The following SRPK2 variants were observed in gnomAD, a reference collection of about 807,000 sequenced individuals.
The protein encoded by SRPK2 is SRSF protein kinase 2, also known as SFRS protein kinase 2.
In SRPK2, 21 loss-of-function variants were observed where a neutral mutation model predicts 90.8. That is an observed-to-expected ratio of 0.23 (90% CI 0.16 to 0.33). The LOEUF is 0.33. Among genes scored for constraint, SRPK2 ranks in the 10% least tolerant of loss-of-function variants. The pLI, the probability that SRPK2 is intolerant of heterozygous loss-of-function variation, is 1.00. For synonymous variants in SRPK2, 288 were observed against 311.1 expected (o/e 0.93, Z 0.78); for missense variants, 620 against 869.0 (o/e 0.71, Z 3.60).
intron 7 of SRPK2, among the ~76,000 whole-genome samples, chr7:105,152,145 T>C (rs1421331516): frequency 6.6e-6 from 1 of 152,066 alleles, no homozygotes; most frequent in Non-Finnish European, 1.5e-5. Flanking sequence ...TAATTTAATT[T>C]TGAACTACTT....
At chr7:105,308,608 C>T (rs1811383370) in intron 2 of SRPK2, among the ~76,000 whole-genome samples, 1 of 152,168 alleles carries the variant, frequency 6.6e-6, no homozygotes, top group Non-Finnish European at 1.5e-5. Flanking sequence ...GGCAAGACCA[C>T]TTCTGCAGTT....
intron 2 of SRPK2, among the ~76,000 whole-genome samples, chr7:105,353,337 T>G (rs1817418573): frequency 6.6e-6 from 1 of 151,958 alleles, no homozygotes; most frequent in Non-Finnish European, 1.5e-5. Context: ...AGGTAATGGT[T>G]TTGTTTTTTT....
intron 2 of SRPK2, among the ~76,000 whole-genome samples, chr7:105,292,497 CAAAAAAAAAAAAAAAA>C (rs397889533): frequency 2.7e-5 from 2 of 74,792 alleles, no homozygotes; most frequent in Non-Finnish European, 2.6e-5. Flanking sequence ...GTAAGACTCT[CAAAAAAAAAAAAAAAA>C]AAAAAAAAAA....
In SRPK2 at chr7:105,398,297, G is replaced by A. The variant is rs78558886; in HGVS notation, n.153+859C>T. 9.1e-3 allele frequency among the ~76,000 whole-genome samples: 1,385 copies of A among 151,704 alleles called. 26 individuals are homozygous for A. Among genetic ancestry groups the A allele is most frequent in the East Asian group, 0.067 (345 of 5,166 alleles). The stretch of plus-strand genomic sequence containing the variant: ...TAAATCATGTTGCATCTTAGAAGGT[G>A]TATTTAATACGTCATAGAATTGGAA... On this transcript the variant is annotated intron_variant and non_coding_transcript_variant, in intron 1 of 3. Transcript: ENST00000462282.
intron 2 of SRPK2, among the ~76,000 whole-genome samples, chr7:105,260,270 A>C (rs1384215230): frequency 1.3e-5 from 2 of 152,250 alleles, no homozygotes; most frequent in Non-Finnish European, 2.9e-5. Context: ...CAGCCAGAAG[A>C]CACATGAAAA....
intron 2 of SRPK2, among the ~76,000 whole-genome samples, chr7:105,279,771 A>C (rs1292851054): frequency 2.0e-5 from 3 of 152,246 alleles, no homozygotes; most frequent in African/African-American, 7.2e-5. Context: ...ACAAAGTATC[A>C]TTAATAGTTA....
At chr7:105,232,375 C>A (rs1239290721) in intron 2 of SRPK2, among the ~76,000 whole-genome samples, 1 of 150,756 alleles carries the variant, frequency 6.6e-6, no homozygotes, top group Non-Finnish European at 1.5e-5. Context: ...AGGAGAATCG[C>A]TTGAACACGG....
intron 2 of SRPK2, among the ~76,000 whole-genome samples, chr7:105,249,290 T>G (rs1418721962): frequency 2.0e-5 from 3 of 152,198 alleles, no homozygotes; most frequent in Non-Finnish European, 2.9e-5. Flanking sequence ...GTCATACACT[T>G]ACTGGTTTTT....
intron 2 of SRPK2, among the ~76,000 whole-genome samples, chr7:105,266,907 T>A (rs1238230487): frequency 6.6e-6 from 1 of 152,180 alleles, no homozygotes; most frequent in African/African-American, 2.4e-5. Flanking sequence ...GAGAGTACCT[T>A]CTTGTTGTAA....
At position 105,371,343 on chromosome 7, in the gene SRPK2, C is replaced by G. The variant is rs554051382; in HGVS notation, c.71+17305G>C. On this transcript the variant is annotated intron_variant, in intron 2 of 15. Coordinates refer to ENST00000393651, the MANE Select transcript of SRPK2 (RefSeq NM_182692.3). ...AATCAAGTTAGTCATTAAATTCTGA[C>G]AGTAATAAATGTAATTTGCAGAAAA... Among the ~76,000 whole-genome samples, 229 of 152,050 alleles carry G rather than the reference C, an allele frequency of 1.5e-3. 2 individuals carry two copies. Among genetic ancestry groups the G allele is most frequent in the Non-Finnish European group, 2.0e-3 (138 of 67,980 alleles).
At chr7:105,197,336 G>A (rs977092614) in intron 3 of SRPK2, among the ~76,000 whole-genome samples, 1 of 152,116 alleles carries the variant, frequency 6.6e-6, no homozygotes, top group African/African-American at 2.4e-5. Context: ...AGTTTTTACA[G>A]GTAAGAAATA....
At chr7:105,216,933 C>T (rs1797544330) in intron 2 of SRPK2, among the ~76,000 whole-genome samples, 2 of 152,094 alleles carry the variant, frequency 1.3e-5, no homozygotes, top group South Asian at 4.1e-4. Context: ...CACATAAATC[C>T]CCTGCCATGG....
At chr7:105,392,964 C>T (rs1185602352), upstream of SRPK2, among the ~76,000 whole-genome samples, 5 of 151,562 alleles carry the variant, frequency 3.3e-5, no homozygotes, top group Admixed American at 3.3e-4. Flanking sequence ...AGGCATGTAC[C>T]ACCACACCCG....
At chr7:105,136,542 G>A (rs1249201854) in intron 11 of SRPK2, among the ~76,000 whole-genome samples, 1 of 152,192 alleles carries the variant, frequency 6.6e-6, no homozygotes, top group Non-Finnish European at 1.5e-5. Context: ...GAAGAACTGG[G>A]CCCCTTAAGT....
intron 6 of SRPK2, among the ~76,000 whole-genome samples, chr7:105,165,328 C>G (rs914798858): frequency 2.0e-5 from 3 of 152,226 alleles, no homozygotes; most frequent in African/African-American, 7.2e-5. Context: ...TCAAGGGACA[C>G]CTTTGCTTGT....
At chr7:105,163,715 G>T (rs1563012892) in intron 6 of SRPK2, among the ~76,000 whole-genome samples, 1 of 152,192 alleles carries the variant, frequency 6.6e-6, no homozygotes, top group Non-Finnish European at 1.5e-5. Flanking sequence ...GGAGGCTGAG[G>T]CAGGAGAATC....
chr7:105,184,341 T>C (rs1055634095), intron 3 of SRPK2, among the ~76,000 whole-genome samples: 1 of 152,132 alleles, frequency 6.6e-6, no homozygotes, highest in African/African-American at 2.4e-5. Flanking sequence ...ATTTCTCTCT[T>C]TAGGATACCT....
chr7:105,291,118 G>C (rs1022397102), intron 2 of SRPK2, among the ~76,000 whole-genome samples: 1 of 150,640 alleles, frequency 6.6e-6, no homozygotes, highest in Non-Finnish European at 1.5e-5. Context: ...CAAAGCTACA[G>C]AGAACCTATC....
chr7:105,159,464 A>AAAAAACAAAAAAAAAAAAAAAAAAC (rs1807166173), intron 7 of SRPK2, among the ~76,000 whole-genome samples: 1 of 141,598 alleles, frequency 7.1e-6, no homozygotes, highest in African/African-American at 2.9e-5. Context: ...AAAAAAAAAA[A>AAAAAACAAAAAAAAAAAAAAAAAAC]AAAAAAAAAC....
Sources: allele counts gnomAD v4.1 joint callset (sites outside exome capture counted in the v4.1 genomes callset), GRCh38; gene constraint gnomAD v4.1.1; transcripts MANE v1.5; gene names NCBI Gene and HGNC (gene_info 2026-07-23, HGNC 2026-07-21).